The following TMPRSS9 variants were observed in gnomAD, a reference collection of about 807,000 sequenced individuals.
The protein encoded by TMPRSS9 is transmembrane protease serine 9.
Under a neutral mutation model 111.4 loss-of-function variants are expected in TMPRSS9, and 113 were observed. The observed-to-expected ratio is 1.01, with a 90% confidence interval of 0.87 to 1.19. The LOEUF is 1.19. TMPRSS9 is among the 50% of genes most tolerant of loss of function. The probability of loss-of-function intolerance (pLI) is 0.00; values close to 1 mark genes in which losing one functional copy is unlikely to be tolerated. For missense variants in TMPRSS9, 1,803 were observed against 1,513.1 expected (o/e 1.19, Z -3.18); for synonymous variants, 805 against 659.1 (o/e 1.22, Z -3.39).
At chr19:2,386,511 A>C (rs532286464), upstream of TMPRSS9, among the ~76,000 whole-genome samples, 2 of 151,828 alleles carry the variant, frequency 1.3e-5, no homozygotes, top group Non-Finnish European at 2.9e-5. Context: ...TCTCAAAAAA[A>C]AAAAAACCAA....
At chr19:2,382,477 C>G (rs1258338741) in intron 1 of TMPRSS9, among the ~76,000 whole-genome samples, 1 of 152,164 alleles carries the variant, frequency 6.6e-6, no homozygotes, top group African/African-American at 2.4e-5. Flanking sequence ...ACATTTTGCA[C>G]AAGAGAGACA....
At chr19:2,390,940 G>A (rs947608567) in intron 1 of TMPRSS9, among the ~76,000 whole-genome samples, 4 of 151,414 alleles carry the variant, frequency 2.6e-5, no homozygotes, top group Non-Finnish European at 5.9e-5. Flanking sequence ...AGGCTGAAGT[G>A]AGCAGATCAT....
rs1970268503 is a variant in TMPRSS9, at chr19:2,368,880, G to T, written c.-26+8520G>T. Among the ~76,000 whole-genome samples the T allele has an allele frequency of 3.4e-5, 5 of 145,804 alleles. No homozygotes were observed. The South Asian group carries it at 1.1e-3, about 32-fold the overall frequency. ...GCTCACTGCAACCTCCGCCTCCTGG[G>T]CTCAAGCAATTCTCCTGCCTCAGCC... On this transcript the variant is annotated intron_variant, in intron 1 of 17. Transcript: ENST00000649857.
Position 2,389,806 on chromosome 19 carries a change from C to T in TMPRSS9, c.21C>T (p.Asp7=), listed in dbSNP as rs150123169. 1.7e-4 allele frequency: 277 copies of T among 1,613,582 alleles called. No individual in the cohort carries two copies. The African/African-American group carries it at 3.0e-3, about 17-fold the overall frequency. The change falls in exon 1 of 18, where the codon GAC becomes GAT. Residue 7 remains aspartate, a synonymous_variant. Transcript: ENST00000648592. Reference sequence around the variant, plus strand: ...GAGCCATGGAGCCCACTGTGGCTGACGTACACCTCGTGCCCAGGACAACCA... The same window carrying T: ...GAGCCATGGAGCCCACTGTGGCTGATGTACACCTCGTGCCCAGGACAACCA...
At chr19:2,422,557 C>G (rs917605865) in intron 14 of TMPRSS9, among the ~76,000 whole-genome samples, 2 of 150,656 alleles carry the variant, frequency 1.3e-5, no homozygotes, top group South Asian at 4.2e-4. Flanking sequence ...AGCCTGGCAA[C>G]AAGCGAAACT....
At chr19:2,421,077 A>T (rs1003769626) in intron 13 of TMPRSS9, among the ~76,000 whole-genome samples, 1 of 151,464 alleles carries the variant, frequency 6.6e-6, no homozygotes, top group Non-Finnish European at 1.5e-5. Context: ...GTTGTGGCTT[A>T]TGCCTGTAGT....
At chr19:2,384,612 G>A (rs1027725672) in intron 1 of TMPRSS9, among the ~76,000 whole-genome samples, 2 of 151,786 alleles carry the variant, frequency 1.3e-5, no homozygotes, top group Non-Finnish European at 2.9e-5. Context: ...TCAGGAGATC[G>A]AGACCATCCT....
intron 1 of TMPRSS9, among the ~76,000 whole-genome samples, chr19:2,372,135 C>T (rs775662809): frequency 1.1e-4 from 16 of 152,146 alleles, no homozygotes; most frequent in Non-Finnish European, 1.6e-4. Context: ...GGATTACAGG[C>T]GTGAGCCACT....
intron 1 of TMPRSS9, among the ~76,000 whole-genome samples, chr19:2,365,300 TC>T (rs1452066625): frequency 2.0e-5 from 3 of 151,106 alleles, no homozygotes; most frequent in Non-Finnish European, 2.9e-5. Flanking sequence ...AAACACCTCT[TC>T]CCATGAAAGC....
At chr19:2,425,066 C>A in exon 16 of TMPRSS9, 1 of 1,571,334 alleles carries the variant, frequency 6.4e-7, no homozygotes, top group East Asian at 2.3e-5. Context: ...CGCGGAGGGG[C>A]AGCTGGAGCG....
intron 1 of TMPRSS9, among the ~76,000 whole-genome samples, chr19:2,395,815 G>A (rs1484663402): frequency 2.6e-5 from 4 of 152,088 alleles, no homozygotes; most frequent in Admixed American, 1.3e-4. Flanking sequence ...AGACCATCCT[G>A]GCTAACACAG....
chr19:2,389,239 A>G (rs536761570), upstream of TMPRSS9, among the ~76,000 whole-genome samples: 2 of 147,146 alleles, frequency 1.4e-5, no homozygotes, highest in South Asian at 4.3e-4. Flanking sequence ...ACGCCTGACT[A>G]ATTTTTTGTA....
chr19:2,389,988 A>C, intron 1 of TMPRSS9, 61 bp downstream of exon 2: 1 of 1,555,424 alleles, frequency 6.4e-7, no homozygotes, highest in Non-Finnish European at 8.8e-7. Flanking sequence ...AGTCACCGGG[A>C]AGTGACTTGA....
At chr19:2,416,154 G>C (rs980561339) in intron 11 of TMPRSS9, 27 of 420,952 alleles carry the variant, frequency 6.4e-5, no homozygotes, top group Non-Finnish European at 1.1e-4. Context: ...CAGGAGAATT[G>C]CTTGAGCCCA....
intron 1 of TMPRSS9, 94 bp downstream of exon 2, chr19:2,390,021 A>T: frequency 2.0e-6 from 3 of 1,492,048 alleles, no homozygotes; most frequent in Non-Finnish European, 2.7e-6. Flanking sequence ...GGCCATCTGG[A>T]ATCAAAGGGC....
exon 12 of TMPRSS9, chr19:2,416,563 C>G: frequency 2.5e-6 from 4 of 1,610,726 alleles, no homozygotes; most frequent in Non-Finnish European, 3.4e-6. Context: ...GGTTCGGGCC[C>G]ACCTGGGCAC....
Position 2,425,286 on chromosome 19 carries a change from G to C in TMPRSS9, c.2983+19G>C, listed in dbSNP as rs1971588633. 1.6e-6 allele frequency: 2 copies of C among 1,221,722 alleles called. No individual in the cohort carries two copies. Among genetic ancestry groups the C allele is most frequent in the East Asian group, 8.4e-5 (2 of 23,876 alleles). 75.7% of individuals were successfully genotyped at this position (1,221,722 alleles called of 1,614,324 possible). On this transcript the variant is annotated intron_variant, in intron 16 of 17. Coordinates refer to ENST00000648592, the Ensembl canonical transcript of TMPRSS9. Reference sequence around the variant, plus strand: ...GAAGGAGGTAGGCGCGCCCGGGGCCGCGGTGGTGCGGGGCTCGGGGGGCGG... The same window carrying C: ...GAAGGAGGTAGGCGCGCCCGGGGCCCCGGTGGTGCGGGGCTCGGGGGGCGG...
rs148801172 is a variant in TMPRSS9 at position 2,415,659 on chromosome 19, C to T, written c.1574-11C>T. The T allele has an allele frequency of 9.1e-4, 1,429 of 1,577,308 alleles. 13 individuals carry two copies. In the African/African-American group the frequency reaches 0.017, roughly 19 times the overall value. ...AAGATCCCCAGACCTGGTCTTGTGT[C>T]CTCCTTCCAGAATGTGGGGCCAGGC... On this transcript the variant is annotated splice_polypyrimidine_tract_variant and intron_variant, in intron 10 of 17. Coordinates refer to ENST00000648592, the Ensembl canonical transcript of TMPRSS9.
Position 2,398,877 on chromosome 19 carries a change from CCA to C in TMPRSS9, c.338+16_338+17del. The C allele has an allele frequency of 2.0e-6, 3 of 1,528,418 alleles. No homozygotes were observed. The highest frequency in any genetic ancestry group is 2.6e-6 in the Non-Finnish European group (3 of 1,142,658). The allele number at this position is 1,528,418 out of a possible 1,614,324, so 94.7% of individuals were successfully genotyped here. A position where few individuals can be genotyped will look rare whatever the true frequency, so the allele number is the denominator to read the frequency against. ...CTGAATTATAGGTGAGTTGGAGCTT[CCA>C]TTGGGTGAAGGAAACTTGGTGGACA... On this transcript the variant is annotated intron_variant, in intron 3 of 17. Coordinates refer to ENST00000648592, the Ensembl canonical transcript of TMPRSS9.
Sources: allele counts gnomAD v4.1 joint callset (sites outside exome capture counted in the v4.1 genomes callset), GRCh38; gene constraint gnomAD v4.1.1; transcripts MANE v1.5; gene names NCBI Gene and HGNC (gene_info 2026-07-23, HGNC 2026-07-21).